ABCA10: variants seen among roughly 807,000 people sequenced by gnomAD.
ABCA10 encodes the protein ATP-binding cassette sub-family A member 10.
In ABCA10, 169 loss-of-function variants were observed where a neutral mutation model predicts 187.5. The observed-to-expected ratio is 0.90, with a 90% CI of 0.80 to 1.02. The LOEUF (loss-of-function observed/expected upper bound fraction) is 1.02, where lower values mean the gene tolerates loss of function less well. Ranked by LOEUF, ABCA10 falls within the 50% of genes least tolerant of loss-of-function variation. The probability of loss-of-function intolerance (pLI) is 0.00; values close to 1 mark genes in which losing one functional copy is unlikely to be tolerated. For missense variants in ABCA10, 1,727 were observed against 1,812.4 expected (o/e 0.95, Z 0.86); for synonymous variants, 574 against 601.8 (o/e 0.95, Z 0.68).
At chr17:69,172,958 T>A (rs1395049949) in intron 25 of ABCA10, among the ~76,000 whole-genome samples, 1 of 152,212 alleles carries the variant, frequency 6.6e-6, no homozygotes, top group East Asian at 1.9e-4. Context: ...GGTGTACCTA[T>A]ATTAATATGA....
chr17:69,208,168 A>G (rs2074605660), intron 9 of ABCA10, among the ~76,000 whole-genome samples: 1 of 152,132 alleles, frequency 6.6e-6, no homozygotes, highest in African/African-American at 2.4e-5. Flanking sequence ...CTGTAATCCC[A>G]GCACTTTGGG....
At chr17:69,201,437 C>A in intron 10 of ABCA10, 63 bp downstream of exon 10, 1 of 1,333,660 alleles carries the variant, frequency 7.5e-7, no homozygotes, top group Admixed American at 2.7e-5. Flanking sequence ...AACATTTGAC[C>A]TGCAGCTTCA....
intron 10 of ABCA10, among the ~76,000 whole-genome samples, chr17:69,198,439 C>T (rs949129572): frequency 2.0e-5 from 3 of 152,138 alleles, no homozygotes; most frequent in East Asian, 1.9e-4. Flanking sequence ...TCATTATTCT[C>T]GGGTCACGTG....
intron 12 of ABCA10, 93 bp downstream of exon 12, chr17:69,194,292 A>G (rs2074482895): frequency 9.3e-7 from 1 of 1,076,256 alleles, no homozygotes; most frequent in African/African-American, 1.6e-5. Context: ...CAACTGTGTA[A>G]CAAGTCCAAT....
At chr17:69,203,091 G>GA (rs2074560224) in intron 9 of ABCA10, among the ~76,000 whole-genome samples, 1 of 152,128 alleles carries the variant, frequency 6.6e-6, no homozygotes, top group Admixed American at 6.6e-5. Context: ...ATGACATGTA[G>GA]AAAAATATAT....
At chr17:69,197,163 T>C in intron 10 of ABCA10, 41 bp from the exon 11 acceptor site, 1 of 1,433,134 alleles carries the variant, frequency 7.0e-7, no homozygotes, top group Non-Finnish European at 9.8e-7. Context: ...ATGCATTTTC[T>C]AGTATTAATA....
At chr17:69,194,289 G>A (rs1313390557) in intron 12 of ABCA10, 96 bp downstream of exon 12, 20 of 1,042,378 alleles carry the variant, frequency 1.9e-5, no homozygotes, top group East Asian at 2.5e-5. Context: ...ATTCAACTGT[G>A]TAACAAGTCC....
rs1483802305 is a variant in ABCA10, at chr17:69,158,570, C to A, written c.3364-1647G>T. 3.3e-5 allele frequency among the ~76,000 whole-genome samples: 5 copies of A among 151,484 alleles called. No homozygotes were observed. The East Asian group carries it at 9.7e-4, about 29-fold the overall frequency. On this transcript the variant is annotated intron_variant, in intron 27 of 38. Coordinates refer to ENST00000690296, the MANE Select transcript of ABCA10 (RefSeq NM_001377321.1). ...AAATACTAAAGTATATAAAATAAAC[C>A]TTAAATGCAGATAAACCTTTAAACA... is the stretch of plus-strand genomic sequence containing the variant.
intron 9 of ABCA10, among the ~76,000 whole-genome samples, chr17:69,204,990 TG>T (rs2074580567): frequency 6.6e-6 from 1 of 151,980 alleles, no homozygotes; most frequent in East Asian, 1.9e-4. Context: ...TAGCTGGGTG[TG>T]GTGGTGTATG....
At chr17:69,174,418 C>A in intron 24 of ABCA10, 24 bp from the exon 25 acceptor site, 1 of 1,545,086 alleles carries the variant, frequency 6.5e-7, no homozygotes. Context: ...GGATCAATGG[C>A]AAGATTAGAA....
At chr17:69,173,761 A>G (rs2074313489) in intron 25 of ABCA10, among the ~76,000 whole-genome samples, 1 of 152,208 alleles carries the variant, frequency 6.6e-6, no homozygotes, top group Non-Finnish European at 1.5e-5. Flanking sequence ...GTGATAGGGA[A>G]GGAGATGCAG....
At chr17:69,222,045 C>T in intron 4 of ABCA10, 150 bp from the exon 5 acceptor site, 1 of 628,124 alleles carries the variant, frequency 1.6e-6, no homozygotes, top group Non-Finnish European at 2.6e-6. Context: ...AAGTACTCTA[C>T]AGAATTGGAG....
In ABCA10 at chr17:69,174,370, C is replaced by G. The variant is rs1301482621; in HGVS notation, c.3073G>C (p.Val1025Leu). ...ACATATGTGAGGAATATAAGAGAAA[C>G]TGCACAACCAATTATGCATACCACC... ...VLVVCIIGCAVSLIFLTYVLS... is the reference protein window; with the variant it reads ...VLVVCIIGCALSLIFLTYVLS... Residue 1025 changes from valine (V) to leucine (L), a missense_variant, in exon 25 of 39, where the codon GTT becomes CTT. Val to Leu is a conservative substitution (Grantham distance 32). Transcript: ENST00000690296. 6.3e-7 allele frequency: 1 copy of G among 1,599,290 alleles called. No individual in the cohort carries two copies. Among genetic ancestry groups the G allele is most frequent in the African/African-American group, 1.4e-5 (1 of 73,782 alleles).
intron 16 of ABCA10, 139 bp downstream of exon 16, chr17:69,192,424 A>G (rs12602962): frequency 0.069 from 44,439 of 642,892 alleles, 2,033 homozygotes; most frequent in Admixed American, 0.16. Context: ...GTTAATGAGG[A>G]AGACATTTTG....
chr17:69,241,413 G>C (rs2074902781), intron 1 of ABCA10, among the ~76,000 whole-genome samples: 1 of 152,162 alleles, frequency 6.6e-6, no homozygotes, highest in South Asian at 2.1e-4. Context: ...CAACACAGCA[G>C]CTAAACTGTT....
chr17:69,199,617 C>G (rs1334352400), intron 10 of ABCA10, among the ~76,000 whole-genome samples: 1 of 152,078 alleles, frequency 6.6e-6, no homozygotes, highest in African/African-American at 2.4e-5. Flanking sequence ...AAATTAGACC[C>G]AAGACCACTG....
chr17:69,176,740 C>T (rs950461820), intron 22 of ABCA10, among the ~76,000 whole-genome samples: 4 of 152,086 alleles, frequency 2.6e-5, no homozygotes, highest in Non-Finnish European at 5.9e-5. Flanking sequence ...TCGGACAAGA[C>T]TTCATCATGC....
At chr17:69,179,106 C>T (rs2144785816) in intron 22 of ABCA10, 1 of 151,280 alleles carries the variant, frequency 6.6e-6, no homozygotes, top group South Asian at 2.1e-4. Context: ...CTGTTGAACC[C>T]AGGAGGCGGA....
intron 22 of ABCA10, among the ~76,000 whole-genome samples, chr17:69,180,891 T>A (rs970829763): frequency 6.6e-6 from 1 of 152,176 alleles, no homozygotes; most frequent in African/African-American, 2.4e-5. Context: ...TATAATTTTT[T>A]CCCTTTTTTA....
Sources: allele counts gnomAD v4.1 joint callset (sites outside exome capture counted in the v4.1 genomes callset), GRCh38; gene constraint gnomAD v4.1.1; transcripts MANE v1.5; gene names NCBI Gene and HGNC (gene_info 2026-07-23, HGNC 2026-07-21).